The following RSRC1 variants were observed in gnomAD, a reference collection of about 807,000 sequenced individuals.
The protein encoded by RSRC1 is arginine and serine rich coiled-coil 1, also known as serine/Arginine-related protein 53.
A neutral mutation model predicts 49.1 loss-of-function variants in RSRC1; 39 were observed. The ratio of observed to expected loss-of-function variants is 0.79; its 90% CI spans 0.61 to 1.04. RSRC1 has a LOEUF of 1.04. RSRC1 is among the 50% of genes least tolerant of loss of function. The pLI is 0.00. For missense variants in RSRC1, 388 were observed against 402.4 expected, an observed-to-expected ratio of 0.96 and a Z score of 0.31; for synonymous variants, 143 against 130.8, an observed-to-expected ratio of 1.09 and a Z score of -0.63.
At chr3:158,373,700 A>G (rs952291891) in intron 6 of RSRC1, among the ~76,000 whole-genome samples, 4 of 151,976 alleles carry the variant, frequency 2.6e-5, no homozygotes, top group Non-Finnish European at 4.4e-5. Context: ...AACCATTTCT[A>G]TACATAATTC....
intron 6 of RSRC1, among the ~76,000 whole-genome samples, chr3:158,379,686 G>C (rs1033160727): frequency 6.6e-6 from 1 of 151,688 alleles, no homozygotes; most frequent in South Asian, 2.1e-4. Flanking sequence ...TATTCCTTCT[G>C]CCTGGACACG....
At chr3:158,335,659 A>G (rs4680426) in intron 5 of RSRC1, among the ~76,000 whole-genome samples, 65,226 of 151,970 alleles carry the variant, frequency 0.43, 14,864 homozygotes, top group South Asian at 0.6. Flanking sequence ...AGTCAATAGT[A>G]GTCTAGATCA....
chr3:158,508,165 T>TTTA (rs1739955720), intron 7 of RSRC1, among the ~76,000 whole-genome samples: 2 of 152,186 alleles, frequency 1.3e-5, no homozygotes, highest in African/African-American at 4.8e-5. Context: ...AGTCTTTCAA[T>TTTA]GAGGATAGTT....
chr3:158,228,087 C>G (rs183307088), intron 4 of RSRC1, among the ~76,000 whole-genome samples: 1 of 151,874 alleles, frequency 6.6e-6, no homozygotes, highest in Non-Finnish European at 1.5e-5. Context: ...TTAAATTCAT[C>G]GATTTGAATC....
chr3:158,247,050 G>T (rs891428868), intron 4 of RSRC1, among the ~76,000 whole-genome samples: 1 of 151,666 alleles, frequency 6.6e-6, no homozygotes, highest in Non-Finnish European at 1.5e-5. Context: ...ACATAATCTT[G>T]TATTTCTCGG....
intron 5 of RSRC1, among the ~76,000 whole-genome samples, chr3:158,315,031 C>CAAAAA (rs10692835): frequency 6.8e-6 from 1 of 146,356 alleles, no homozygotes. Flanking sequence ...GACTTTGTCT[C>CAAAAA]AAAAAAAAAA....
chr3:158,347,657 C>T (rs773484603), intron 5 of RSRC1, among the ~76,000 whole-genome samples: 17 of 152,046 alleles, frequency 1.1e-4, no homozygotes, highest in African/African-American at 1.9e-4. Context: ...ATAATCCTCC[C>T]GCCTCTGCCT....
intron 7 of RSRC1, among the ~76,000 whole-genome samples, chr3:158,525,714 C>A (rs1711975951): frequency 6.6e-6 from 1 of 151,948 alleles, no homozygotes. Flanking sequence ...TAATAGAATT[C>A]TACTAGCATT....
Position 158,122,237 on chromosome 3 carries a change from A to C in RSRC1, c.133A>C (p.Arg45=). The C allele has an allele frequency of 6.2e-7, 1 of 1,605,474 alleles. No homozygotes were observed. The highest frequency in any genetic ancestry group is 2.3e-5 in the East Asian group (1 of 44,112). ...YSRKKGGRKS[R]SKSRSWSRDL... Reference sequence around the variant, plus strand: ...CCGAAAGAAAGGAGGAAGGAAATCAAGATCAAAGTCAAGATCTTGGTCCAG... The same window carrying C: ...CCGAAAGAAAGGAGGAAGGAAATCACGATCAAAGTCAAGATCTTGGTCCAG... Residue 45 remains arginine (R), a synonymous_variant, in exon 2 of 10, where the codon AGA becomes CGA. Coordinates refer to ENST00000611884, the MANE Select transcript of RSRC1 (RefSeq NM_001271838.2).
At position 158,339,032 on chromosome 3, in the gene RSRC1, C is replaced by T. The variant is rs1238236646; in HGVS notation, c.532-15825C>T. ...CTAGGGCCGGGCGCGGTGGCTCACG[C>T]CTGTAATCCCAGCACTTTGGGAGGC... On this transcript the variant is annotated intron_variant, in intron 5 of 9. Transcript: ENST00000611884. Among the ~76,000 whole-genome samples the T allele has an allele frequency of 2.6e-5, 4 of 152,176 alleles. No individual in the cohort carries two copies. In the East Asian group the frequency reaches 5.8e-4, roughly 22 times the overall value.
At chr3:158,349,561 GTTTTC>G (rs71990944) in intron 5 of RSRC1, among the ~76,000 whole-genome samples, 64,733 of 151,224 alleles carry the variant, frequency 0.43, 14,624 homozygotes, top group South Asian at 0.59. Context: ...CAGCATTACA[GTTTTC>G]TTTTATACAG....
At chr3:158,393,289 CTAG>C (rs922530954) in intron 6 of RSRC1, among the ~76,000 whole-genome samples, 1 of 151,842 alleles carries the variant, frequency 6.6e-6, no homozygotes, top group African/African-American at 2.4e-5. Context: ...AATCCGAAAG[CTAG>C]TAGAAGACAA....
intron 6 of RSRC1, among the ~76,000 whole-genome samples, chr3:158,455,978 TCAAAAAAAAAAAA>T (rs1200333736): frequency 4.8e-5 from 1 of 20,774 alleles, no homozygotes; most frequent in African/African-American, 1.7e-4. Context: ...AGACTCCATC[TCAAAAAAAAAAAA>T]AAAAAAAAAA....
rs779712448 is a variant in RSRC1, at chr3:158,313,474, G to T, written c.531+15399G>T. Among the ~76,000 whole-genome samples, 26 of 152,098 alleles carry T rather than the reference G, an allele frequency of 1.7e-4. 1 individual carries two copies. The highest frequency in any genetic ancestry group is 3.5e-4 in the Non-Finnish European group (24 of 68,012). ...AGCAGATATTTAGTCTTAATAATTT[G>T]TGCCTGTAATGAGACCTTTATGTGG... On this transcript the variant is annotated intron_variant, in intron 5 of 9. Coordinates refer to ENST00000611884, the MANE Select transcript of RSRC1 (RefSeq NM_001271838.2).
chr3:158,379,616 A>C (rs1732583880), intron 6 of RSRC1, among the ~76,000 whole-genome samples: 1 of 151,724 alleles, frequency 6.6e-6, no homozygotes, highest in African/African-American at 2.4e-5. Context: ...AATCACATTC[A>C]CCTTCTTAGT....
chr3:158,236,128 AG>A (rs765898432), intron 4 of RSRC1, among the ~76,000 whole-genome samples: 6,553 of 146,996 alleles, frequency 0.045, 450 homozygotes, highest in African/African-American at 0.15. Flanking sequence ...AAAAAAAAAA[AG>A]GAAGAAGAAA....
At chr3:158,238,042 C>G (rs921414723) in intron 4 of RSRC1, among the ~76,000 whole-genome samples, 16 of 152,126 alleles carry the variant, frequency 1.1e-4, no homozygotes, top group Non-Finnish European at 2.4e-4. Context: ...AATCAATGTG[C>G]AAAAATCACA....
intron 5 of RSRC1, among the ~76,000 whole-genome samples, chr3:158,351,547 A>G (rs1458834393): frequency 6.6e-6 from 1 of 152,240 alleles, no homozygotes; most frequent in Non-Finnish European, 1.5e-5. Flanking sequence ...GCATAGGCAA[A>G]TATTTTTAGA....
At chr3:158,198,630 G>A (rs1032744900) in intron 3 of RSRC1, among the ~76,000 whole-genome samples, 23 of 152,222 alleles carry the variant, frequency 1.5e-4, no homozygotes, top group African/African-American at 5.3e-4. Context: ...GCTGGTACCG[G>A]TTGTTCCTTT....
Sources: allele counts gnomAD v4.1 joint callset (sites outside exome capture counted in the v4.1 genomes callset), GRCh38; gene constraint gnomAD v4.1.1; transcripts MANE v1.5; gene names NCBI Gene and HGNC (gene_info 2026-07-23, HGNC 2026-07-21).